HIBCH: variants seen among roughly 807,000 people sequenced by gnomAD.
HIBCH encodes 3-hydroxyisobutyryl-CoA hydrolase, mitochondrial.
A neutral mutation model predicts 58.2 loss-of-function variants in HIBCH; 50 were observed. The ratio of observed to expected loss-of-function variants is 0.86; its 90% CI spans 0.68 to 1.09. HIBCH has a LOEUF of 1.09. Ranked by LOEUF, HIBCH falls within the 50% of genes least tolerant of loss-of-function variation. The pLI, the probability that HIBCH is intolerant of heterozygous loss-of-function variation, is 0.00. For synonymous variants in HIBCH, 151 were observed against 146.9 expected (o/e 1.03, Z -0.20); for missense variants, 450 against 449.7 (o/e 1.00, Z -0.01).
Position 190,304,943 on chromosome 2 carries a change from G to C in HIBCH, c.78+5811C>G, listed in dbSNP as rs1256173088. 6.8e-6 allele frequency among the ~76,000 whole-genome samples: 1 copy of C among 147,610 alleles called. No homozygotes were observed. Among genetic ancestry groups the C allele is most frequent in the Non-Finnish European group, 1.5e-5 (1 of 66,936 alleles). On this transcript the variant is annotated intron_variant, in intron 2 of 13. Coordinates refer to ENST00000359678, the MANE Select transcript of HIBCH (RefSeq NM_014362.4). This position sits in a 1 kb window ranked among gnomAD's most constrained non-coding sequence, Gnocchi z 4.1. Reference sequence around the variant, plus strand: ...TAGTAAAAAAAGTGTTAGAATTGAAGCACAAAAAATCCTGGGTTCTAGCCT... The same window carrying C: ...TAGTAAAAAAAGTGTTAGAATTGAACCACAAAAAATCCTGGGTTCTAGCCT...
intron 11 of HIBCH, among the ~76,000 whole-genome samples, chr2:190,222,995 A>G (rs933964586): frequency 6.6e-6 from 1 of 152,254 alleles, no homozygotes; most frequent in Non-Finnish European, 1.5e-5. Context: ...GCTGGAAACC[A>G]TCATTCTCAG....
intron 6 of HIBCH, among the ~76,000 whole-genome samples, chr2:190,285,952 G>A (rs902904779): frequency 2.6e-5 from 4 of 151,940 alleles, no homozygotes; most frequent in Non-Finnish European, 4.4e-5. Context: ...AGCAATTCTC[G>A]TGCCTCAGCC....
At chr2:190,225,068 C>T (rs1201431096) in intron 11 of HIBCH, among the ~76,000 whole-genome samples, 1 of 152,172 alleles carries the variant, frequency 6.6e-6, no homozygotes, top group Non-Finnish European at 1.5e-5. Context: ...TCTTTGAAAC[C>T]AGTGAGAACA....
chr2:190,295,166 G>A (rs922881359), intron 3 of HIBCH, among the ~76,000 whole-genome samples: 1 of 152,152 alleles, frequency 6.6e-6, no homozygotes, highest in African/African-American at 2.4e-5. Context: ...ATCAAGAGCC[G>A]ATGAAAATGT....
At chr2:190,283,071 G>GT (rs1418682894) in intron 6 of HIBCH, among the ~76,000 whole-genome samples, 1 of 152,144 alleles carries the variant, frequency 6.6e-6, no homozygotes, top group Non-Finnish European at 1.5e-5. Flanking sequence ...TTTCCTTTGA[G>GT]TATCATGTTG....
rs1331792072 is a variant in HIBCH, at chr2:190,212,939, T to G, written c.1011+17A>C. 1 of 1,603,718 alleles carries G rather than the reference T, an allele frequency of 6.2e-7. No homozygotes were observed. The highest frequency in any genetic ancestry group is 1.1e-5 in the South Asian group (1 of 90,714). The stretch of plus-strand genomic sequence containing the variant: ...CTTTTAGAACTAAAAAATGACATTT[T>G]TTTTTTAAATTCTTACCATACAAGC... On this transcript the variant is annotated intron_variant, in intron 12 of 13. Coordinates refer to ENST00000359678, the MANE Select transcript of HIBCH (RefSeq NM_014362.4).
At chr2:190,192,193 C>A (rs763906438) in intron 1 of HIBCH, among the ~76,000 whole-genome samples, 73 of 151,794 alleles carry the variant, frequency 4.8e-4, no homozygotes, top group Non-Finnish European at 9.1e-4. Flanking sequence ...TGTTCCAATC[C>A]CATTTGTTGA....
chr2:190,226,414 G>T (rs1269672400), intron 11 of HIBCH, among the ~76,000 whole-genome samples: 1 of 152,050 alleles, frequency 6.6e-6, no homozygotes, highest in East Asian at 1.9e-4. Flanking sequence ...TGACCAACAT[G>T]GAGAAACACC....
At chr2:190,305,207 G>A (rs1688371830) in intron 2 of HIBCH, among the ~76,000 whole-genome samples, 1 of 152,128 alleles carries the variant, frequency 6.6e-6, no homozygotes, top group African/African-American at 2.4e-5. Context: ...TCCTTTTAAG[G>A]AAACGTTTGA....
At position 190,216,452 on chromosome 2, in the gene HIBCH, C is replaced by A. The variant is rs1162602690; in HGVS notation, c.892-3377G>T. On this transcript the variant is annotated intron_variant, in intron 11 of 13. Coordinates refer to ENST00000359678, the MANE Select transcript of HIBCH (RefSeq NM_014362.4). This position sits in a 1 kb window ranked among gnomAD's most constrained non-coding sequence, Gnocchi z 4.2. ...AGCTGTCAGTAAGGCTGCAGAAGGT[C>A]TGGGGGGCTATATAAGTTAGATCAG... Among the ~76,000 whole-genome samples the A allele has an allele frequency of 6.6e-6, 1 of 152,104 alleles. No individual in the cohort carries two copies. Among genetic ancestry groups the A allele is most frequent in the Non-Finnish European group, 1.5e-5 (1 of 68,026 alleles).
chr2:190,273,758 G>A (rs1448277382), intron 6 of HIBCH, among the ~76,000 whole-genome samples: 1 of 151,940 alleles, frequency 6.6e-6, no homozygotes, highest in African/African-American at 2.4e-5. Context: ...TATACCAAAC[G>A]AAGCTGAACT....
At chr2:190,247,005 T>C (rs1303158910) in intron 9 of HIBCH, among the ~76,000 whole-genome samples, 1 of 151,704 alleles carries the variant, frequency 6.6e-6, no homozygotes, top group Non-Finnish European at 1.5e-5. Context: ...AATAAGACTT[T>C]TTTTTTTTTT....
chr2:190,290,507 TA>T (rs57377277), intron 4 of HIBCH, 22 bp from the exon 5 acceptor site: 48,737 of 1,007,114 alleles, frequency 0.048, 13 homozygotes, highest in East Asian at 0.078. Flanking sequence ...AGATTACAAA[TA>T]AAAAAAAAAA....
intron 1 of HIBCH, among the ~76,000 whole-genome samples, chr2:190,314,318 T>TAC (rs1305563856): frequency 9.4e-5 from 1 of 10,636 alleles, no homozygotes; most frequent in Non-Finnish European, 8.1e-4. Context: ...TGTGTATATA[T>TAC]ATGTATATAT....
chr2:190,247,876 C>T (rs752525558), intron 9 of HIBCH, among the ~76,000 whole-genome samples: 14 of 152,110 alleles, frequency 9.2e-5, no homozygotes, highest in East Asian at 5.8e-4. Flanking sequence ...TAATAAGATA[C>T]GTACTTGTGC....
At chr2:190,230,457 G>A (rs1171387530) in intron 11 of HIBCH, among the ~76,000 whole-genome samples, 1 of 152,214 alleles carries the variant, frequency 6.6e-6, no homozygotes, top group Non-Finnish European at 1.5e-5. Context: ...AGCACTTTGG[G>A]AGGCCAAGGC....
rs786204004 is a variant in HIBCH at position 190,213,017 on chromosome 2, C to T, written c.950G>A (p.Gly317Glu). 1 of 1,608,982 alleles carries T rather than the reference C, an allele frequency of 6.2e-7. No homozygotes were observed. Among genetic ancestry groups the T allele is most frequent in the South Asian group, 1.1e-5 (1 of 90,986 alleles). Residue 317 changes from glycine (G) to glutamate (E), a missense_variant, in exon 12 of 14, where the codon GGG becomes GAG. Coordinates refer to ENST00000359678, the MANE Select transcript of HIBCH (RefSeq NM_014362.4). ...LKITLRQLME[G>E]SSKTLQEVLT... ...TACTTCTTGCAAGGTCTTTGAAGAC[C>T]CCTCCATGAGTTGCCTTAGTGTGAT...
chr2:190,278,588 A>T (rs1195191217), intron 6 of HIBCH, among the ~76,000 whole-genome samples: 1 of 150,942 alleles, frequency 6.6e-6, no homozygotes, highest in African/African-American at 2.4e-5. Context: ...TTTAGAAAAA[A>T]GTCACAGGAG....
At chr2:190,293,157 C>T (rs572147764) in intron 4 of HIBCH, among the ~76,000 whole-genome samples, 3 of 151,326 alleles carry the variant, frequency 2.0e-5, no homozygotes, top group African/African-American at 2.5e-5. Flanking sequence ...ACAGGCCAGA[C>T]GAAAGGCTAA....
Sources: gnomAD v4.1 joint callset for allele counts (sites outside exome capture counted in the v4.1 genomes callset) on GRCh38, gnomAD v4.1.1 for gene constraint, Gnocchi (gnomAD v3.1) non-coding constraint, MANE v1.5 for transcripts, NCBI Gene and HGNC (gene_info 2026-07-23, HGNC 2026-07-21) for gene names.